ZBTB7C: variants seen among roughly 807,000 people sequenced by gnomAD.
The protein encoded by ZBTB7C is zinc finger and BTB domain-containing protein 7C.
ZBTB7C carries 8 observed loss-of-function variants against 25.7 expected under a neutral mutation model. That is an observed-to-expected ratio of 0.31 (90% CI 0.18 to 0.56). ZBTB7C has a LOEUF of 0.56. ZBTB7C is among the 20% of genes least tolerant of loss of function. The probability of loss-of-function intolerance (pLI) is 0.91; values close to 1 mark genes in which losing one functional copy is unlikely to be tolerated. For missense variants in ZBTB7C, 824 were observed against 855.2 expected, an observed-to-expected ratio of 0.96 and a Z score of 0.46; for synonymous variants, 394 against 369.0, an observed-to-expected ratio of 1.07 and a Z score of -0.78.
At chr18:48,198,736 C>T (rs2042372463) in intron 2 of ZBTB7C, among the ~76,000 whole-genome samples, 1 of 152,242 alleles carries the variant, frequency 6.6e-6, no homozygotes, top group African/African-American at 2.4e-5. Context: ...CCAGCTGATT[C>T]ACAGCCTTCA....
intron 2 of ZBTB7C, among the ~76,000 whole-genome samples, chr18:48,304,841 C>CAAAAAAAAAAAAA (rs35398428): frequency 1.1e-5 from 1 of 90,338 alleles, no homozygotes; most frequent in African/African-American, 4.2e-5. Flanking sequence ...GGCTCTACCT[C>CAAAAAAAAAAAAA]AAAAAAAAAA....
At chr18:48,234,351 C>T (rs1179481749) in intron 2 of ZBTB7C, among the ~76,000 whole-genome samples, 34 of 152,138 alleles carry the variant, frequency 2.2e-4, no homozygotes, top group Admixed American at 2.2e-3. Context: ...ATAAGACACA[C>T]TGATGGCAGA....
chr18:48,248,752 C>A (rs201272458), intron 2 of ZBTB7C, among the ~76,000 whole-genome samples: 1 of 152,004 alleles, frequency 6.6e-6, no homozygotes, highest in African/African-American at 2.4e-5. Context: ...GCATATAAAA[C>A]ACACAAGAGA....
intron 2 of ZBTB7C, among the ~76,000 whole-genome samples, chr18:48,194,857 C>T (rs2042281163): frequency 7.1e-6 from 1 of 140,188 alleles, no homozygotes; most frequent in Admixed American, 7.7e-5. Context: ...GCATTTTGTT[C>T]GGGCCCTGCA....
intron 3 of ZBTB7C, among the ~76,000 whole-genome samples, chr18:48,166,706 C>T (rs1046235721): frequency 3.3e-5 from 5 of 152,286 alleles, no homozygotes; most frequent in Admixed American, 6.5e-5. Flanking sequence ...ACCCCCAAAG[C>T]GTCCAGGGGC....
intron 1 of ZBTB7C, among the ~76,000 whole-genome samples, chr18:48,382,316 T>C (rs560264391): frequency 5.1e-4 from 78 of 152,324 alleles, no homozygotes; most frequent in African/African-American, 1.8e-3. Context: ...TTGTTTTTCA[T>C]ACGTTTTTAA....
Position 48,027,068 on chromosome 18 carries a change from C to T in ZBTB7C, c.*2192G>A, listed in dbSNP as rs984403821. On this transcript the variant is annotated 3_prime_UTR_variant, in exon 5 of 5. Coordinates refer to ENST00000590800, the MANE Select transcript of ZBTB7C (RefSeq NM_001318841.2). Reference sequence around the variant, plus strand: ...AAAAGAGTTATAAATAGAAAAAATTCCAAAGTTCTCCCACAGACAGACAGG... The same window carrying T: ...AAAAGAGTTATAAATAGAAAAAATTTCAAAGTTCTCCCACAGACAGACAGG... 4 of 148,460 alleles carry T rather than the reference C, an allele frequency of 2.7e-5. No homozygotes were observed. The highest frequency in any genetic ancestry group is 7.4e-5 in the African/African-American group (3 of 40,288). 9.2% of individuals were successfully genotyped at this position (148,460 alleles called of 1,614,324 possible).
chr18:48,157,417 C>G (rs551218962), intron 3 of ZBTB7C, among the ~76,000 whole-genome samples: 1 of 152,110 alleles, frequency 6.6e-6, no homozygotes, highest in Non-Finnish European at 1.5e-5. Context: ...GAAACGGAGA[C>G]AAACCAACCC....
intron 4 of ZBTB7C, among the ~76,000 whole-genome samples, chr18:48,039,227 T>C (rs1339459235): frequency 6.6e-6 from 1 of 152,228 alleles, no homozygotes; most frequent in Admixed American, 6.5e-5. Flanking sequence ...AGGCCCAGCC[T>C]TTAGGTCTGA....
intron 3 of ZBTB7C, among the ~76,000 whole-genome samples, chr18:48,049,685 G>T (rs1358068193): frequency 2.0e-5 from 3 of 152,164 alleles, no homozygotes; most frequent in Non-Finnish European, 2.9e-5. Flanking sequence ...TAATCAGAGA[G>T]GCTAAGTGAC....
At chr18:48,343,133 C>G (rs1207192892) in intron 1 of ZBTB7C, among the ~76,000 whole-genome samples, 1 of 152,136 alleles carries the variant, frequency 6.6e-6, no homozygotes, top group African/African-American at 2.4e-5. Context: ...GTTGCTTGAG[C>G]TCTCTGGGCC....
chr18:48,357,925 C>T (rs2047013126), intron 1 of ZBTB7C, among the ~76,000 whole-genome samples: 1 of 152,182 alleles, frequency 6.6e-6, no homozygotes, highest in South Asian at 2.1e-4. Flanking sequence ...ATGTAATCCC[C>T]AGCGTTGGAG....
intron 3 of ZBTB7C, among the ~76,000 whole-genome samples, chr18:48,102,167 A>G (rs2038854742): frequency 6.6e-6 from 1 of 152,274 alleles, no homozygotes; most frequent in Admixed American, 6.5e-5. Flanking sequence ...ATTGGTCATC[A>G]TCACAGTTAC....
chr18:48,038,967 C>T (rs186262546), intron 4 of ZBTB7C, among the ~76,000 whole-genome samples: 22 of 152,258 alleles, frequency 1.4e-4, no homozygotes, highest in Non-Finnish European at 2.2e-4. Context: ...ACCAATGGGC[C>T]GTATTTTCCA....
intron 2 of ZBTB7C, among the ~76,000 whole-genome samples, chr18:48,231,056 G>C (rs1442421973): frequency 6.6e-6 from 1 of 152,188 alleles, no homozygotes; most frequent in African/African-American, 2.4e-5. Flanking sequence ...GGGTGCTAAG[G>C]GTGGCTTGGT....
intron 3 of ZBTB7C, among the ~76,000 whole-genome samples, chr18:48,172,149 T>C (rs1443389752): frequency 6.6e-6 from 1 of 152,170 alleles, no homozygotes; most frequent in Admixed American, 6.5e-5. Context: ...TGTTCCTCTG[T>C]AGTTTGAGAA....
intron 3 of ZBTB7C, among the ~76,000 whole-genome samples, chr18:48,061,766 G>A (rs1029425051): frequency 6.6e-6 from 1 of 152,192 alleles, no homozygotes; most frequent in African/African-American, 2.4e-5. Flanking sequence ...GAATGAGAAT[G>A]AGTTGCTTCT....
At chr18:48,388,600 A>T (rs1286997515) in intron 1 of ZBTB7C, among the ~76,000 whole-genome samples, 1 of 152,160 alleles carries the variant, frequency 6.6e-6, no homozygotes, top group African/African-American at 2.4e-5. Flanking sequence ...ATTTAAACTG[A>T]CAGCCAGGCG....
chr18:48,128,890 C>T (rs751127798), intron 3 of ZBTB7C, among the ~76,000 whole-genome samples: 14 of 151,916 alleles, frequency 9.2e-5, no homozygotes, highest in African/African-American at 3.1e-4. Flanking sequence ...AAGAAGTGTG[C>T]GCAGGTAAGC....
Sources: gnomAD v4.1 joint callset for allele counts (sites outside exome capture counted in the v4.1 genomes callset) on GRCh38, gnomAD v4.1.1 for gene constraint, MANE v1.5 for transcripts, NCBI Gene and HGNC (gene_info 2026-07-23, HGNC 2026-07-21) for gene names.